Variants in SMYD3 observed in about 807,000 individuals in gnomAD.
SMYD3 encodes SET and MYND domain containing 3.
In SMYD3, 36 loss-of-function variants were observed where a neutral mutation model predicts 57.7. The ratio of observed to expected loss-of-function variants is 0.62; its 90% CI spans 0.48 to 0.82. The LOEUF (loss-of-function observed/expected upper bound fraction) is 0.82. Among genes scored for constraint, SMYD3 ranks in the 40% least tolerant of loss-of-function variants. The pLI is 0.00. For missense variants in SMYD3, 515 were observed against 538.8 expected, an observed-to-expected ratio of 0.96 and a Z score of 0.44; for synonymous variants, 211 against 195.0, an observed-to-expected ratio of 1.08 and a Z score of -0.68.
At chr1:246,221,206 G>C (rs1262184879) in intron 5 of SMYD3, among the ~76,000 whole-genome samples, 1 of 152,174 alleles carries the variant, frequency 6.6e-6, no homozygotes, top group Non-Finnish European at 1.5e-5. Flanking sequence ...AGGGGAGCAA[G>C]TCTCTCTGCT....
At chr1:246,487,946 A>G (rs7540795) in intron 1 of SMYD3, among the ~76,000 whole-genome samples, 148,884 of 152,198 alleles carry the variant, frequency 0.98, 72,864 homozygotes, top group Non-Finnish European at 0.99. Context: ...TGCATGCCTC[A>G]GCCTCCCAAA....
At chr1:246,337,401 T>C (rs2065560418) in intron 2 of SMYD3, among the ~76,000 whole-genome samples, 2 of 152,236 alleles carry the variant, frequency 1.3e-5, no homozygotes, top group South Asian at 4.1e-4. Context: ...CTATATATTT[T>C]TTTTCACCTG....
intron 8 of SMYD3, among the ~76,000 whole-genome samples, chr1:245,864,794 T>A (rs1253726325): frequency 2.0e-5 from 3 of 152,130 alleles, no homozygotes; most frequent in African/African-American, 7.2e-5. Flanking sequence ...GCTGATATTT[T>A]AAAAAAACAG....
intron 8 of SMYD3, among the ~76,000 whole-genome samples, chr1:245,866,413 G>A (rs73140710): frequency 0.17 from 24,187 of 146,212 alleles, 2,807 homozygotes; most frequent in East Asian, 0.59. Flanking sequence ...ACATGGAGGA[G>A]GGAGGAGATA....
chr1:246,202,985 C>G lies in SMYD3; in HGVS notation c.531+124216G>C, dbSNP rs12141086. Among the ~76,000 whole-genome samples the G allele has an allele frequency of 0.084, 12,750 of 152,002 alleles. 732 individuals are homozygous for G. The highest frequency in any genetic ancestry group is 0.21 in the East Asian group (1,092 of 5,154). On this transcript the variant is annotated intron_variant, in intron 5 of 11. Transcript: ENST00000490107. This position sits in a 1 kb window ranked among gnomAD's most constrained non-coding sequence, Gnocchi z 4.1. Reference sequence around the variant, plus strand: ...ACTAAAAATACAAAATTTAGCTGGTCGTGGTGGTGGGCGCCTATAATCCCA... The same window carrying G: ...ACTAAAAATACAAAATTTAGCTGGTGGTGGTGGTGGGCGCCTATAATCCCA...
At chr1:246,121,060 A>G (rs1249083916) in intron 5 of SMYD3, among the ~76,000 whole-genome samples, 1 of 152,238 alleles carries the variant, frequency 6.6e-6, no homozygotes, top group African/African-American at 2.4e-5. Flanking sequence ...GATACAGTCT[A>G]AGAATATTAG....
At chr1:246,248,034 T>C (rs1442576316) in intron 5 of SMYD3, among the ~76,000 whole-genome samples, 1 of 152,168 alleles carries the variant, frequency 6.6e-6, no homozygotes, top group African/African-American at 2.4e-5. Context: ...ATTCATTCTA[T>C]TGATGTAAGG....
chr1:246,253,558 T>C (rs2063829552), intron 5 of SMYD3, among the ~76,000 whole-genome samples: 1 of 152,246 alleles, frequency 6.6e-6, no homozygotes, highest in Admixed American at 6.5e-5. Flanking sequence ...TCTGCTATTG[T>C]GAATAGTGCA....
chr1:245,879,358 C>T (rs1029745438), intron 8 of SMYD3, among the ~76,000 whole-genome samples: 4 of 152,160 alleles, frequency 2.6e-5, no homozygotes, highest in Non-Finnish European at 4.4e-5. Context: ...TCGCAGTAAC[C>T]GCTAAATGCA....
intron 5 of SMYD3, among the ~76,000 whole-genome samples, chr1:246,218,164 A>C (rs372803663): frequency 1.3e-5 from 2 of 152,152 alleles, no homozygotes; most frequent in African/African-American, 2.4e-5. Flanking sequence ...GACATGAGTA[A>C]AGTTAAAAAC....
chr1:246,340,441 C>T (rs1318931632), intron 2 of SMYD3, among the ~76,000 whole-genome samples: 1 of 151,924 alleles, frequency 6.6e-6, no homozygotes, highest in African/African-American at 2.4e-5. Flanking sequence ...ATAGGAAATT[C>T]ATGACTGAAA....
intron 5 of SMYD3, among the ~76,000 whole-genome samples, chr1:246,045,987 G>A (rs2059956791): frequency 6.6e-6 from 1 of 152,200 alleles, no homozygotes; most frequent in South Asian, 2.1e-4. Context: ...AGGTGCTGGA[G>A]AGGATGTGGA....
chr1:245,920,024 C>T (rs2055747682), intron 7 of SMYD3, among the ~76,000 whole-genome samples: 1 of 152,138 alleles, frequency 6.6e-6, no homozygotes, highest in Admixed American at 6.5e-5. Flanking sequence ...ATAAGATGAG[C>T]AAGTTAAGGC....
At chr1:246,219,866 G>C (rs916974244) in intron 5 of SMYD3, among the ~76,000 whole-genome samples, 2 of 152,068 alleles carry the variant, frequency 1.3e-5, no homozygotes, top group Non-Finnish European at 2.9e-5. Context: ...CAGCAGATCC[G>C]ACTGAGTGGG....
chr1:245,761,765 A>G (rs2045851803), intron 11 of SMYD3, among the ~76,000 whole-genome samples: 1 of 147,082 alleles, frequency 6.8e-6, no homozygotes, highest in African/African-American at 2.5e-5. Context: ...CCTCCATTAA[A>G]TTGTACACAC....
rs142652549 is a variant in SMYD3, at chr1:245,812,978, C to A, written c.1076+45518G>T. Reference sequence around the variant, plus strand: ...TGAGGAGGTGAGGAGGAGAGGAAGGCATGGAGCCATGGTCATGAGACAGCT... The same window carrying A: ...TGAGGAGGTGAGGAGGAGAGGAAGGAATGGAGCCATGGTCATGAGACAGCT... On this transcript the variant is annotated intron_variant, in intron 10 of 11. Coordinates refer to ENST00000490107, the MANE Select transcript of SMYD3 (RefSeq NM_001167740.2). Among the ~76,000 whole-genome samples, 309 of 144,142 alleles carry A rather than the reference C, an allele frequency of 2.1e-3. 1 individual carries two copies. Among genetic ancestry groups the A allele is most frequent in the Non-Finnish European group, 3.5e-3 (233 of 66,860 alleles). 94.6% of individuals were successfully genotyped at this position (144,142 alleles called of 152,430 possible).
At chr1:245,837,541 A>C (rs760995815) in intron 10 of SMYD3, among the ~76,000 whole-genome samples, 13 of 152,164 alleles carry the variant, frequency 8.5e-5, no homozygotes, top group Non-Finnish European at 1.6e-4. Context: ...ACGAGGGAAG[A>C]AGCACAGAAA....
intron 7 of SMYD3, among the ~76,000 whole-genome samples, chr1:245,925,191 A>G (rs1421087484): frequency 6.6e-6 from 1 of 152,150 alleles, no homozygotes; most frequent in Non-Finnish European, 1.5e-5. Context: ...ATTTTTTCCC[A>G]AGGAATTTTA....
chr1:245,830,022 C>A (rs2049742529), intron 10 of SMYD3, among the ~76,000 whole-genome samples: 1 of 151,942 alleles, frequency 6.6e-6, no homozygotes, highest in South Asian at 2.1e-4. Flanking sequence ...TAAAAATGTT[C>A]TAAAATTGAT....
Sources: gnomAD v4.1 joint callset for allele counts (sites outside exome capture counted in the v4.1 genomes callset) on GRCh38, gnomAD v4.1.1 for gene constraint, Gnocchi (gnomAD v3.1) non-coding constraint, MANE v1.5 for transcripts, NCBI Gene and HGNC (gene_info 2026-07-23, HGNC 2026-07-21) for gene names.